The following PRAG1 variants were observed in gnomAD, a reference collection of about 807,000 sequenced individuals.
The protein encoded by PRAG1 is PEAK1 related, kinase-activating pseudokinase 1.
In PRAG1, 110 loss-of-function variants were observed where a neutral mutation model predicts 95.6. The ratio of observed to expected loss-of-function variants is 1.15; its 90% CI spans 0.99 to 1.35. The LOEUF (loss-of-function observed/expected upper bound fraction) is 1.35. Among genes scored for constraint, PRAG1 ranks in the 40% most tolerant of loss-of-function variants. The probability of loss-of-function intolerance (pLI) is 0.00; values close to 1 mark genes in which losing one functional copy is unlikely to be tolerated. For synonymous variants in PRAG1, 1,052 were observed against 819.4 expected (o/e 1.28, Z -4.85); for missense variants, 2,554 against 1,864.7 (o/e 1.37, Z -6.81).
At chr8:8,357,112 C>T (rs908167311) in intron 3 of PRAG1, among the ~76,000 whole-genome samples, 1 of 152,094 alleles carries the variant, frequency 6.6e-6, no homozygotes, top group Non-Finnish European at 1.5e-5. Context: ...AACTTAATGA[C>T]ATTGGATTTG....
At chr8:8,320,950 ATCTG>A (rs1284149199) in intron 5 of PRAG1, among the ~76,000 whole-genome samples, 1 of 152,238 alleles carries the variant, frequency 6.6e-6, no homozygotes, top group Admixed American at 6.5e-5. Flanking sequence ...TAATTTAGTA[ATCTG>A]TCTATTATAA....
chr8:8,327,693 G>A lies in PRAG1; in HGVS notation c.3072+17C>T. On this transcript the variant is annotated intron_variant, in intron 5 of 5. Transcript: ENST00000615670. ...AGCCAGTGGCACAGCAGAATGCAAG[G>A]AGGGAGTGGTACCTACTTTCACAGC... The A allele has an allele frequency of 6.3e-7, 1 of 1,596,158 alleles. No individual in the cohort carries two copies. Among genetic ancestry groups the A allele is most frequent in the Non-Finnish European group, 8.6e-7 (1 of 1,168,964 alleles).
chr8:8,327,964 C>T lies in PRAG1; in HGVS notation c.2818G>A (p.Gly940Ser), dbSNP rs758234346. The stretch of plus-strand genomic sequence containing the variant: ...TTGCTGCTGATGTTGCTCAGGAGAC[C>T]GTGCAGCTGAAGCTGGGTGCTCCCG... ...STGSTQLQLH[G>S]LLSNISSKEG... is the part of the protein sequence containing the mutation. Residue 940 changes from glycine (G) to serine (S), a missense_variant, in exon 5 of 6, where the codon GGT becomes AGT. Physicochemically the swap from Gly to Ser is moderately conservative, Grantham distance 56. Transcript: ENST00000615670. 23 of 1,606,370 alleles carry T rather than the reference C, an allele frequency of 1.4e-5. No homozygotes were observed. Among genetic ancestry groups the T allele is most frequent in the African/African-American group, 5.4e-5 (4 of 74,698 alleles).
intron 4 of PRAG1, among the ~76,000 whole-genome samples, chr8:8,333,408 T>A (rs1563231561): frequency 6.6e-6 from 1 of 152,172 alleles, no homozygotes; most frequent in Non-Finnish European, 1.5e-5. Context: ...AAGCTACATA[T>A]CACGTATGCT....
At chr8:8,370,981 T>C (rs1290254073) in intron 3 of PRAG1, among the ~76,000 whole-genome samples, 1 of 151,800 alleles carries the variant, frequency 6.6e-6, no homozygotes, top group East Asian at 1.9e-4. Flanking sequence ...TCTACTAAAA[T>C]ATAAAAATTA....
At chr8:8,380,600 A>G (rs1167170756) in intron 2 of PRAG1, among the ~76,000 whole-genome samples, 1 of 152,136 alleles carries the variant, frequency 6.6e-6, no homozygotes, top group Non-Finnish European at 1.5e-5. Context: ...TCACGCCTAT[A>G]ATCTCAGCAC....
In PRAG1 at chr8:8,377,168, G is replaced by C. The variant is rs1278832780; in HGVS notation, c.1241C>G (p.Ala414Gly). Residue 414 changes from alanine to glycine, a missense_variant, in exon 3 of 6, where the codon GCT becomes GGT. Ala to Gly is a moderately conservative substitution (Grantham distance 60, BLOSUM62 0). Transcript: ENST00000615670. ...TGCCTTCTTCCTCTTGGTGCTCTCA[G>C]CATAGATGGGTTCAGGCTGTGTAGC... ...REATQPEPIYAESTKRKKAAP... is the reference protein window; with the variant it reads ...REATQPEPIYGESTKRKKAAP... The C allele has an allele frequency of 6.2e-6, 10 of 1,611,734 alleles. No homozygotes were observed. The highest frequency in any genetic ancestry group is 8.5e-6 in the Non-Finnish European group (10 of 1,179,830).
In PRAG1 at chr8:8,318,213, G is replaced by A. The variant is rs1208905825; in HGVS notation, c.4162C>T (p.Leu1388=). 3 of 1,614,126 alleles carry A rather than the reference G, an allele frequency of 1.9e-6. No individual in the cohort carries two copies. Among genetic ancestry groups the A allele is most frequent in the Admixed American group, 3.3e-5 (2 of 60,028 alleles). Residue 1388 remains leucine (L), a synonymous_variant, in exon 6 of 6, where the codon CTG becomes TTG. Transcript: ENST00000615670. The surrounding 1 kb of genome is among the most constrained non-coding windows in gnomAD (Gnocchi z 4.2). ...AGGGCCCCGGGCTCCGCAGACGCCAGGTACTGGCAGCAAAGCCAGTCCTCC... is the reference window on the plus strand; with the variant it reads ...AGGGCCCCGGGCTCCGCAGACGCCAAGTACTGGCAGCAAAGCCAGTCCTCC... The part of the protein sequence containing the change: ...ELEDWLCCQY[L]ASAEPGALLQ...
rs772381286 is a variant in PRAG1 at position 8,318,890 on chromosome 8, G to T, written c.3485C>A (p.Pro1162His). 1 of 1,465,526 alleles carries T rather than the reference G, an allele frequency of 6.8e-7. No individual in the cohort carries two copies. The highest frequency in any genetic ancestry group is 2.5e-4 in the Middle Eastern group (1 of 3,972). The allele number at this position is 1,465,526 out of a possible 1,614,324, so 90.8% of individuals were successfully genotyped here. ...LLVHCTLQAG[P>H]GPAPAPAPAP... ...CGGGGCGGGGGCGGGGGCGGGCCCGGGGCCGGCCTGGAGGGTGCAGTGCAC... is the reference window on the plus strand; with the variant it reads ...CGGGGCGGGGGCGGGGGCGGGCCCGTGGCCGGCCTGGAGGGTGCAGTGCAC... Residue 1162 changes from proline (P) to histidine (H), a missense_variant, in exon 6 of 6, where the codon CCC becomes CAC. Pro to His is a moderately conservative substitution (Grantham distance 77, BLOSUM62 -2). Coordinates refer to ENST00000615670, the MANE Select transcript of PRAG1 (RefSeq NM_001080826.3). The surrounding 1 kb of genome is among the most constrained non-coding windows in gnomAD (Gnocchi z 4.2).
chr8:8,319,100 G>C lies in PRAG1; in HGVS notation c.3275C>G (p.Thr1092Ser). The C allele has an allele frequency of 6.2e-7, 1 of 1,609,950 alleles. No individual in the cohort carries two copies. The highest frequency in any genetic ancestry group is 1.1e-5 in the South Asian group (1 of 90,950). Residue 1092 changes from threonine to serine, a missense_variant, in exon 6 of 6, where the codon ACC becomes AGC. Transcript: ENST00000615670. ...GGCGGTCTGATGTGGCACCTCTCGG[G>C]TGATGACCACCACGCAGTCCTGCTC... ...AQEQDCVVVI[T>S]REVPHQTASD... is the part of the protein sequence containing the mutation.
rs755458576 is a variant in PRAG1 at position 8,381,426 on chromosome 8, C to T, written c.322G>A (p.Val108Ile). The change falls in exon 2 of 6, where the codon GTC becomes ATC. Residue 108 changes from valine (V) to isoleucine (I), a missense_variant. By Grantham distance (29) the Val-to-Ile change is conservative. Coordinates refer to ENST00000615670, the MANE Select transcript of PRAG1 (RefSeq NM_001080826.3). ...GTGTTAGTCAGCCTCACCTGCGAGA[C>T]TTCGGCACTCAGGTTGGCCTCTGTC... ...VWTEANLSAEVSQVIWRRAPG... is the reference protein window; with the variant it reads ...VWTEANLSAEISQVIWRRAPG... 6.2e-7 allele frequency: 1 copy of T among 1,604,718 alleles called. No individual in the cohort carries two copies. The highest frequency in any genetic ancestry group is 8.5e-7 in the Non-Finnish European group (1 of 1,172,256).
intron 3 of PRAG1, among the ~76,000 whole-genome samples, chr8:8,368,773 C>G (rs1800095794): frequency 6.6e-6 from 1 of 151,970 alleles, no homozygotes; most frequent in South Asian, 2.1e-4. Context: ...CCTGACAAAG[C>G]ATGGAAAAGC....
Position 8,318,374 on chromosome 8 carries a change from C to A in PRAG1, c.4001G>T (p.Arg1334Leu). ...VLQCLLWGPRRELVQQPGTSE... is the reference protein window; with the variant it reads ...VLQCLLWGPRLELVQQPGTSE... ...GGTGCCCGGCTGCTGCACCAGCTCG[C>A]GCCGAGGCCCCCACAGCAGGCACTG... Residue 1334 changes from arginine (R) to leucine (L), a missense_variant, in exon 6 of 6, where the codon CGC becomes CTC. Arg to Leu is a moderately radical substitution (Grantham distance 102). Transcript: ENST00000615670. The surrounding 1 kb of genome is among the most constrained non-coding windows in gnomAD (Gnocchi z 4.2). The A allele has an allele frequency of 2.5e-6, 4 of 1,613,444 alleles. No individual in the cohort carries two copies. Among genetic ancestry groups the A allele is most frequent in the Non-Finnish European group, 3.4e-6 (4 of 1,179,658 alleles).
rs772804347 is a variant in PRAG1, at chr8:8,376,792, C to G, written c.1617G>C (p.Lys539Asn). The change falls in exon 3 of 6, where the codon AAG becomes AAC. Residue 539 changes from lysine to asparagine, a missense_variant. Transcript: ENST00000615670. ...HAHSASESKP[K>N]ERPAIPPKLS... ...ACTTGGGGGGAATGGCGGGCCTCTC[C>G]TTGGGCTTGCTCTCGCTGGCACTGT... 6.2e-7 allele frequency: 1 copy of G among 1,611,340 alleles called. No individual in the cohort carries two copies. Among genetic ancestry groups the G allele is most frequent in the African/African-American group, 1.3e-5 (1 of 75,048 alleles).
chr8:8,381,394 A>G, intron 2 of PRAG1, 24 bp downstream of exon 2: 2 of 1,583,458 alleles, frequency 1.3e-6, no homozygotes, highest in Non-Finnish European at 1.7e-6. Context: ...CTGTAAAAAT[A>G]CCACGAGTGT....
intron 3 of PRAG1, among the ~76,000 whole-genome samples, chr8:8,351,395 G>C (rs1799517428): frequency 6.6e-6 from 1 of 152,152 alleles, no homozygotes; most frequent in Non-Finnish European, 1.5e-5. Flanking sequence ...ATGAGATTTA[G>C]GTGGGGACAC....
At position 8,318,754 on chromosome 8, in the gene PRAG1, C is replaced by T; in HGVS notation, c.3621G>A (p.Lys1207=). 6.3e-7 allele frequency: 1 copy of T among 1,593,964 alleles called. No homozygotes were observed. Among genetic ancestry groups the T allele is most frequent in the Non-Finnish European group, 8.5e-7 (1 of 1,170,126 alleles). ...GPASPEGPRE[K]QLPRLIISNF... ...TGCTGATGATGAGCCGGGGCAGCTG[C>T]TTCTCCCGGGGCCCTTCCGGGGAGG... is the stretch of plus-strand genomic sequence containing the variant. The change falls in exon 6 of 6, where the codon AAG becomes AAA. Residue 1207 remains lysine, a synonymous_variant. Coordinates refer to ENST00000615670, the MANE Select transcript of PRAG1 (RefSeq NM_001080826.3). This position sits in a 1 kb window ranked among gnomAD's most constrained non-coding sequence, Gnocchi z 4.2.
At chr8:8,326,206 T>C (rs1183450121) in intron 5 of PRAG1, among the ~76,000 whole-genome samples, 1 of 148,014 alleles carries the variant, frequency 6.8e-6, no homozygotes, top group Non-Finnish European at 1.5e-5. Context: ...TTATTACTAC[T>C]ATTAATTACA....
chr8:8,363,605 T>C (rs939406823), intron 3 of PRAG1, among the ~76,000 whole-genome samples: 1 of 152,206 alleles, frequency 6.6e-6, no homozygotes, highest in African/African-American at 2.4e-5. Flanking sequence ...AGTTTCAGTT[T>C]TGTAAAATGA....
Sources: allele counts gnomAD v4.1 joint callset (sites outside exome capture counted in the v4.1 genomes callset), GRCh38; gene constraint gnomAD v4.1.1; non-coding constraint Gnocchi (gnomAD v3.1); transcripts MANE v1.5; gene names NCBI Gene and HGNC (gene_info 2026-07-23, HGNC 2026-07-21).